SORCS1: variants seen among roughly 807,000 people sequenced by gnomAD.
The protein encoded by SORCS1 is sortilin related VPS10 domain containing receptor 1.
SORCS1 carries 60 observed loss-of-function variants against 146.1 expected under a neutral mutation model. That is an observed-to-expected ratio of 0.41 (90% CI 0.33 to 0.51). SORCS1 has a LOEUF of 0.51. Ranked by LOEUF, SORCS1 falls within the 20% of genes least tolerant of loss-of-function variation. The pLI is 0.21. For synonymous variants in SORCS1, 637 were observed against 584.0 expected (o/e 1.09, Z -1.31); for missense variants, 1,352 against 1,487.6 (o/e 0.91, Z 1.50).
chr10:106,928,838 A>AT (rs113884198), intron 2 of SORCS1, among the ~76,000 whole-genome samples: 5,328 of 151,882 alleles, frequency 0.035, 222 homozygotes, highest in South Asian at 0.11. Context: ...CCCAATACCT[A>AT]TTTTTTATCT....
At position 106,970,336 on chromosome 10, in the gene SORCS1, C is replaced by CTTTTTTTT. The variant is rs766818370; in HGVS notation, c.559-13764_559-13757dup. Among the ~76,000 whole-genome samples, 44 of 89,430 alleles carry CTTTTTTTT rather than the reference C, an allele frequency of 4.9e-4. 3 individuals are homozygous for CTTTTTTTT. Among genetic ancestry groups the CTTTTTTTT allele is most frequent in the African/African-American group, 2.0e-3 (37 of 18,462 alleles). The allele number at this position is 89,430 out of a possible 152,430, so 58.7% of individuals were successfully genotyped here. On this transcript the variant is annotated intron_variant, in intron 1 of 25. Transcript: ENST00000263054. ...TTCCCTCCAAATGTAACCAACATCT[C>CTTTTTTTT]TTTTTTTTTTTTTTTTTTTGAGATG...
chr10:107,010,583 T>C (rs933550596), intron 1 of SORCS1, among the ~76,000 whole-genome samples: 1 of 152,226 alleles, frequency 6.6e-6, no homozygotes, highest in African/African-American at 2.4e-5. Context: ...GACGTCAAGC[T>C]GCATCAGGCG....
At chr10:106,661,382 T>C (rs11193005) in intron 17 of SORCS1, among the ~76,000 whole-genome samples, 23,342 of 152,208 alleles carry the variant, frequency 0.15, 2,444 homozygotes, top group East Asian at 0.31. Context: ...TATGTAACTT[T>C]ATGAGCCGCA....
intron 1 of SORCS1, among the ~76,000 whole-genome samples, chr10:107,002,206 A>T (rs918098414): frequency 6.6e-6 from 1 of 152,244 alleles, no homozygotes; most frequent in Non-Finnish European, 1.5e-5. Flanking sequence ...GGTTTTGAAT[A>T]TAGCCCTAAG....
intron 1 of SORCS1, among the ~76,000 whole-genome samples, chr10:107,076,932 G>A (rs1231323719): frequency 1.3e-5 from 2 of 152,024 alleles, no homozygotes; most frequent in Non-Finnish European, 2.9e-5. Context: ...ACTCCTTTGC[G>A]AAAAATCTTA....
chr10:106,891,542 C>G (rs976794059), intron 2 of SORCS1, among the ~76,000 whole-genome samples: 2 of 84,580 alleles, frequency 2.4e-5, no homozygotes, highest in African/African-American at 4.2e-5. Context: ...CTCTGTTGCC[C>G]TGGCTGAAGT....
chr10:106,706,620 C>T lies in SORCS1; in HGVS notation c.1158G>A (p.Gly386=). The change falls in exon 8 of 26, where the codon GGG becomes GGA. Residue 386 remains glycine, a synonymous_variant. Coordinates refer to ENST00000263054, the MANE Select transcript of SORCS1 (RefSeq NM_052918.5). Reference sequence around the variant, plus strand: ...GGTAGGACACGTAGTAATGTGGCCGCCCTCCTGATGTCAGCTGGATCATAA... The same window carrying T: ...GGTAGGACACGTAGTAATGTGGCCGTCCTCCTGATGTCAGCTGGATCATAA... The part of the protein sequence containing the change: ...HYVFVQLTSG[G]RPHYYVSYRR... The T allele has an allele frequency of 6.2e-7, 1 of 1,614,122 alleles. No homozygotes were observed. The highest frequency in any genetic ancestry group is 2.2e-5 in the East Asian group (1 of 44,862).
At chr10:106,791,849 G>C (rs1393334931) in intron 3 of SORCS1, among the ~76,000 whole-genome samples, 1 of 152,148 alleles carries the variant, frequency 6.6e-6, no homozygotes, top group Non-Finnish European at 1.5e-5. Context: ...GATGACTGGA[G>C]AAAAAGATGT....
intron 1 of SORCS1, among the ~76,000 whole-genome samples, chr10:106,963,403 C>T (rs1457580234): frequency 6.6e-6 from 1 of 152,098 alleles, no homozygotes; most frequent in Admixed American, 6.6e-5. Flanking sequence ...GTGTGAGGCA[C>T]CGCACCCGGC....
At chr10:106,589,562 G>A (rs1236146020) in intron 24 of SORCS1, among the ~76,000 whole-genome samples, 2 of 152,116 alleles carry the variant, frequency 1.3e-5, no homozygotes, top group Non-Finnish European at 2.9e-5. Context: ...GCTCATAGTT[G>A]AATGTATATT....
In SORCS1 at chr10:106,575,390, A is replaced by G. The variant is rs1844533839; in HGVS notation, c.*2030T>C. On this transcript the variant is annotated 3_prime_UTR_variant, in exon 26 of 26. Transcript: ENST00000263054. ...ACATCAGGATCTTTAGGACACCCTC[A>G]TTATCACCAGGGCCTGTGTTATACC... 6.6e-6 allele frequency: 1 copy of G among 152,190 alleles called. No individual in the cohort carries two copies. The highest frequency in any genetic ancestry group is 3.2e-3 in the Middle Eastern group (1 of 316). The allele number at this position is 152,190 out of a possible 1,614,324, so 9.4% of individuals were successfully genotyped here.
intron 2 of SORCS1, among the ~76,000 whole-genome samples, chr10:106,930,678 G>A (rs1953371436): frequency 6.6e-6 from 1 of 152,012 alleles, no homozygotes; most frequent in African/African-American, 2.4e-5. Context: ...GCTTTGTTTT[G>A]GTTTTTTTCT....
chr10:106,714,806 A>G (rs1855250653), intron 6 of SORCS1, among the ~76,000 whole-genome samples: 1 of 152,160 alleles, frequency 6.6e-6, no homozygotes, highest in African/African-American at 2.4e-5. Flanking sequence ...TGGACTTGTG[A>G]GATCAACTGT....
chr10:106,806,445 TCTAC>T (rs1245682757), intron 3 of SORCS1, among the ~76,000 whole-genome samples: 1 of 137,362 alleles, frequency 7.3e-6, no homozygotes, highest in African/African-American at 2.6e-5. Context: ...TGGAGTAGCG[TCTAC>T]CTACCCATGG....
intron 1 of SORCS1, among the ~76,000 whole-genome samples, chr10:106,987,294 T>C (rs1202107940): frequency 6.6e-6 from 1 of 152,222 alleles, no homozygotes; most frequent in East Asian, 1.9e-4. Flanking sequence ...TCCTCTAAGA[T>C]GGCAGAATTC....
intron 2 of SORCS1, among the ~76,000 whole-genome samples, chr10:106,941,486 G>T (rs1406451150): frequency 6.6e-6 from 1 of 152,178 alleles, no homozygotes; most frequent in Admixed American, 6.5e-5. Flanking sequence ...CAAAGCCCAC[G>T]TGCTGACCCA....
intron 2 of SORCS1, among the ~76,000 whole-genome samples, chr10:106,900,089 G>A (rs937970477): frequency 3.3e-5 from 5 of 151,866 alleles, no homozygotes; most frequent in Non-Finnish European, 4.4e-5. Flanking sequence ...TTCCCAAACC[G>A]CACACTAAAT....
chr10:106,647,000 T>G (rs1849490270), intron 18 of SORCS1, among the ~76,000 whole-genome samples: 1 of 54,830 alleles, frequency 1.8e-5, no homozygotes, highest in African/African-American at 7.7e-5. Context: ...TATGTGTGTT[T>G]GTATGTGTAT....
chr10:107,027,305 C>T (rs201022919), intron 1 of SORCS1, among the ~76,000 whole-genome samples: 1 of 151,980 alleles, frequency 6.6e-6, no homozygotes, highest in African/African-American at 2.4e-5. Flanking sequence ...TAGGGGCTGA[C>T]TGAGGGATGA....
Sources: gnomAD v4.1 joint callset for allele counts (sites outside exome capture counted in the v4.1 genomes callset) on GRCh38, gnomAD v4.1.1 for gene constraint, MANE v1.5 for transcripts, NCBI Gene and HGNC (gene_info 2026-07-23, HGNC 2026-07-21) for gene names.